The following TANGO6 variants were observed in gnomAD, a reference collection of about 807,000 sequenced individuals.
TANGO6 encodes transport and golgi organization 6 homolog, also known as transport and Golgi organization protein 6 homolog.
In TANGO6, 90 loss-of-function variants were observed where a neutral mutation model predicts 114.2. The ratio of observed to expected loss-of-function variants is 0.79; its 90% CI spans 0.66 to 0.94. TANGO6 has a LOEUF of 0.94. TANGO6 is among the 40% of genes least tolerant of loss of function. The probability of loss-of-function intolerance (pLI) is 0.00; values close to 1 mark genes in which losing one functional copy is unlikely to be tolerated. For missense variants in TANGO6, 1,274 were observed against 1,315.3 expected, an observed-to-expected ratio of 0.97 and a Z score of 0.49; for synonymous variants, 477 against 509.8, an observed-to-expected ratio of 0.94 and a Z score of 0.87.
chr16:68,862,847 C>G, intron 2 of TANGO6, 98 bp from the exon 3 acceptor site: 2 of 811,556 alleles, frequency 2.5e-6, no homozygotes, highest in Non-Finnish European at 4.2e-6. Flanking sequence ...CTTCTTTCCG[C>G]TCCTCTCACA....
At chr16:68,958,562 G>A (rs1158349714) in intron 14 of TANGO6, among the ~76,000 whole-genome samples, 1 of 150,408 alleles carries the variant, frequency 6.6e-6, no homozygotes, top group Non-Finnish European at 1.5e-5. Flanking sequence ...AGGAAGGAAA[G>A]AAAAGAAAGG....
rs553880867 is a variant in TANGO6 at position 68,877,671 on chromosome 16, G to A, written c.1132-447G>A. On this transcript the variant is annotated intron_variant, in intron 5 of 17. Coordinates refer to ENST00000261778, the MANE Select transcript of TANGO6 (RefSeq NM_024562.2). ...CGCCCAGGCTGGAGTGCAGTGGCGCGATCTCCGCTCACTGCAAGCTCTGCT... is the reference window on the plus strand; with the variant it reads ...CGCCCAGGCTGGAGTGCAGTGGCGCAATCTCCGCTCACTGCAAGCTCTGCT... Among the ~76,000 whole-genome samples, 306 of 151,630 alleles carry A rather than the reference G, an allele frequency of 2.0e-3. 5 individuals carry two copies. The highest frequency in any genetic ancestry group is 7.0e-3 in the African/African-American group (290 of 41,362).
intron 7 of TANGO6, among the ~76,000 whole-genome samples, chr16:68,883,160 G>A (rs903113815): frequency 6.6e-6 from 1 of 152,136 alleles, no homozygotes; most frequent in Non-Finnish European, 1.5e-5. Context: ...TCACATCACT[G>A]CATTCCAGCC....
At position 68,913,754 on chromosome 16, in the gene TANGO6, T is replaced by C. The variant is rs537417171; in HGVS notation, c.1992+4352T>C. 4.6e-5 allele frequency among the ~76,000 whole-genome samples: 7 copies of C among 152,000 alleles called. No homozygotes were observed. In the East Asian group the frequency reaches 9.7e-4, roughly 21 times the overall value. ...AAAAATAAGAAAAAAAGGAGCAGGC[T>C]CCTTTTTACTGCAGAACCCTGGATG... On this transcript the variant is annotated intron_variant, in intron 11 of 17. Transcript: ENST00000261778.
intron 15 of TANGO6, among the ~76,000 whole-genome samples, chr16:69,002,339 G>C (rs1433717265): frequency 1.3e-5 from 2 of 152,012 alleles, no homozygotes; most frequent in African/African-American, 4.8e-5. Context: ...ATATGGTTTG[G>C]CTCTGTGCCC....
At chr16:68,994,239 A>G (rs1281091174) in intron 15 of TANGO6, among the ~76,000 whole-genome samples, 5 of 152,160 alleles carry the variant, frequency 3.3e-5, no homozygotes. Flanking sequence ...TTACTCTGAA[A>G]GATATTTATT....
intron 17 of TANGO6, among the ~76,000 whole-genome samples, chr16:69,050,784 G>A (rs990003602): frequency 2.8e-4 from 43 of 151,292 alleles, no homozygotes; most frequent in African/African-American, 1.0e-3. Flanking sequence ...CACCGCGCCC[G>A]GCCCTAATTT....
chr16:68,936,249 A>AT (rs1382203698), intron 14 of TANGO6, among the ~76,000 whole-genome samples: 1 of 152,180 alleles, frequency 6.6e-6, no homozygotes, highest in Non-Finnish European at 1.5e-5. Context: ...ATATTTGGGC[A>AT]TTTTTTCACA....
Position 68,902,411 on chromosome 16 carries a change from G to T in TANGO6, c.1574G>T (p.Gly525Val), listed in dbSNP as rs571056315. The change falls in exon 9 of 18, where the codon GGG becomes GTG. Residue 525 changes from glycine (G) to valine (V), a missense_variant. Transcript: ENST00000261778. ...ATTGCCAGCCTGAAAGGATTTGCAG[G>T]GTTGGACAAAGCTGTGCCCTCTCTC... is the stretch of plus-strand genomic sequence containing the variant. ...KAIASLKGFA[G>V]LDKAVPSLHS... 8 of 1,613,858 alleles carry T rather than the reference G, an allele frequency of 5.0e-6. No individual in the cohort carries two copies. The South Asian group carries it at 6.6e-5, about 13-fold the overall frequency.
intron 15 of TANGO6, among the ~76,000 whole-genome samples, chr16:68,983,143 C>T (rs1963856095): frequency 1.3e-5 from 2 of 152,118 alleles, no homozygotes; most frequent in African/African-American, 4.8e-5. Flanking sequence ...AGCCACCGCA[C>T]TGGGCTGAAG....
chr16:69,022,155 G>A (rs1959419379), intron 15 of TANGO6, among the ~76,000 whole-genome samples: 1 of 151,676 alleles, frequency 6.6e-6, no homozygotes, highest in Admixed American at 6.6e-5. Context: ...CAAAGTGCTG[G>A]GATTACAGGC....
In TANGO6 at chr16:69,022,997, C is replaced by A; in HGVS notation, c.2994+18C>A. ...TCCATGAGGTACTGTATTTTGATTC[C>A]TTTCTCTAAAGCGTGTTTTCACTTG... On this transcript the variant is annotated intron_variant, in intron 16 of 17. Coordinates refer to ENST00000261778, the MANE Select transcript of TANGO6 (RefSeq NM_024562.2). The A allele has an allele frequency of 6.4e-7, 1 of 1,551,922 alleles. No individual in the cohort carries two copies. Among genetic ancestry groups the A allele is most frequent in the Non-Finnish European group, 8.7e-7 (1 of 1,153,790 alleles).
chr16:69,026,345 A>T (rs966340525), intron 16 of TANGO6: 1 of 152,664 alleles, frequency 6.6e-6, no homozygotes, highest in Non-Finnish European at 1.5e-5. Context: ...TATACCATCA[A>T]CATTTACGCT....
chr16:68,843,662 C>T lies in TANGO6; in HGVS notation c.45C>T (p.Cys15=), dbSNP rs377514360. ...TGGGCAGCGGGGCTCAGGAGACATG[C>T]GGTCTGGATCGGATTTTGGAGGCAT... ...QAVGSGAQET[C]GLDRILEALK... is the part of the protein sequence containing the mutation. Residue 15 remains cysteine, a synonymous_variant, in exon 1 of 18, where the codon TGC becomes TGT. Coordinates refer to ENST00000261778, the MANE Select transcript of TANGO6 (RefSeq NM_024562.2). 120 of 1,613,736 alleles carry T rather than the reference C, an allele frequency of 7.4e-5. No homozygotes were observed. The African/African-American group carries it at 1.5e-3, about 20-fold the overall frequency.
chr16:68,955,770 T>A (rs1963523185), intron 14 of TANGO6, among the ~76,000 whole-genome samples: 1 of 152,138 alleles, frequency 6.6e-6, no homozygotes, highest in Admixed American at 6.5e-5. Flanking sequence ...AAACATTAAA[T>A]CTTAAATTCA....
chr16:68,975,327 G>T lies in TANGO6; in HGVS notation c.2842+1159G>T, dbSNP rs142828639. On this transcript the variant is annotated intron_variant, in intron 15 of 17. Transcript: ENST00000261778. ...CTCTAGGCTGTATAAGCTGACAATA[G>T]TAGTTAAGGGATAGGCTCTAGACTT... is the stretch of plus-strand genomic sequence containing the variant. Among the ~76,000 whole-genome samples, 401 of 152,116 alleles carry T rather than the reference G, an allele frequency of 2.6e-3. 3 individuals carry two copies. The highest frequency in any genetic ancestry group is 3.4e-3 in the Middle Eastern group (1 of 294).
At chr16:69,004,725 C>A (rs1014931936) in intron 15 of TANGO6, among the ~76,000 whole-genome samples, 6 of 152,152 alleles carry the variant, frequency 3.9e-5, no homozygotes, top group Non-Finnish European at 7.3e-5. Context: ...TGAATTTGCT[C>A]CAGTTGCTTA....
chr16:69,079,142 A>G (rs945272141), intron 17 of TANGO6, among the ~76,000 whole-genome samples: 4 of 149,326 alleles, frequency 2.7e-5, no homozygotes, highest in Non-Finnish European at 5.9e-5. Flanking sequence ...CCTGACCAAC[A>G]TGGCAAAACC....
intron 15 of TANGO6, among the ~76,000 whole-genome samples, chr16:68,993,590 T>A (rs1257120774): frequency 3.3e-5 from 5 of 152,224 alleles, no homozygotes; most frequent in African/African-American, 7.2e-5. Context: ...GAGGGATGGA[T>A]GATCTGTTAA....
Sources: allele counts gnomAD v4.1 joint callset (sites outside exome capture counted in the v4.1 genomes callset), GRCh38; gene constraint gnomAD v4.1.1; transcripts MANE v1.5; gene names NCBI Gene and HGNC (gene_info 2026-07-23, HGNC 2026-07-21).